SAMMSON: variants seen among roughly 807,000 people sequenced by gnomAD.
The protein encoded by SAMMSON is survival associated mitochondrial melanoma specific oncogenic non-coding RNA.
intron 4 of SAMMSON, among the ~76,000 whole-genome samples, chr3:70,141,229 G>A (rs966193527): frequency 3.3e-5 from 5 of 152,050 alleles, no homozygotes; most frequent in African/African-American, 1.2e-4. Flanking sequence ...TATGAAAATT[G>A]GCTCACACAA....
chr3:70,059,681 T>C, intron 3 of SAMMSON, among the ~76,000 whole-genome samples: 1 of 152,086 alleles, frequency 6.6e-6, no homozygotes, highest in East Asian at 1.9e-4. Context: ...GCTAATCTCA[T>C]CTGGAAACAC....
intron 4 of SAMMSON, among the ~76,000 whole-genome samples, chr3:70,204,053 C>G (rs555256877): frequency 3.3e-5 from 5 of 152,292 alleles, no homozygotes; most frequent in Admixed American, 1.3e-4. Flanking sequence ...ACACCATGAA[C>G]TGTGCTAATG....
intron 2 of SAMMSON, among the ~76,000 whole-genome samples, chr3:70,405,730 G>A (rs1317501220): frequency 6.6e-6 from 1 of 152,170 alleles, no homozygotes; most frequent in Non-Finnish European, 1.5e-5. Context: ...GAATCTGCAT[G>A]TAGCTGGACT....
chr3:70,119,697 A>G (rs558059569), intron 4 of SAMMSON, among the ~76,000 whole-genome samples: 5 of 152,278 alleles, frequency 3.3e-5, no homozygotes, highest in East Asian at 1.9e-4. Flanking sequence ...TAAATACATT[A>G]AAAGATTCCT....
intron 4 of SAMMSON, among the ~76,000 whole-genome samples, chr3:70,202,260 G>A (rs1023080914): frequency 6.6e-6 from 1 of 152,078 alleles, no homozygotes; most frequent in African/African-American, 2.4e-5. Context: ...TTTGATAGTG[G>A]TCAGTGACTA....
intron 2 of SAMMSON, among the ~76,000 whole-genome samples, chr3:70,407,516 C>A (rs62255191): frequency 0.026 from 4,024 of 152,272 alleles, 120 homozygotes; most frequent in East Asian, 0.11. Flanking sequence ...AGGGCCCATA[C>A]AAGTCCAAAA....
intron 4 of SAMMSON, among the ~76,000 whole-genome samples, chr3:70,192,654 G>A (rs539521900): frequency 6.6e-5 from 10 of 152,162 alleles, no homozygotes; most frequent in Non-Finnish European, 1.5e-4. Flanking sequence ...TTTAGAACTA[G>A]CGTTGCCAGA....
chr3:70,387,890 A>G (rs1700989828), intron 9 of SAMMSON, among the ~76,000 whole-genome samples: 1 of 152,132 alleles, frequency 6.6e-6, no homozygotes, highest in African/African-American at 2.4e-5. Context: ...TTACTGTAGA[A>G]CATGATTGAA....
At chr3:70,235,045 C>T (rs1701594250) in intron 4 of SAMMSON, among the ~76,000 whole-genome samples, 1 of 152,188 alleles carries the variant, frequency 6.6e-6, no homozygotes, top group Admixed American at 6.5e-5. Context: ...GAGATTTTAT[C>T]AGTACGGTTT....
At chr3:70,246,278 TCA>T (rs1459852630) in intron 4 of SAMMSON, among the ~76,000 whole-genome samples, 1 of 152,114 alleles carries the variant, frequency 6.6e-6, no homozygotes, top group Non-Finnish European at 1.5e-5. Context: ...AGGATAAAGG[TCA>T]CACTTTGTTA....
chr3:70,405,853 T>C (rs1235569458), intron 2 of SAMMSON, among the ~76,000 whole-genome samples: 1 of 152,158 alleles, frequency 6.6e-6, no homozygotes, highest in Non-Finnish European at 1.5e-5. Flanking sequence ...GTTCAATGAA[T>C]AATGTGTAGG....
Position 70,091,084 on chromosome 3 carries a change from A to G in SAMMSON, n.507+19519A>G, listed in dbSNP as rs535625465. On this transcript the variant is annotated intron_variant and non_coding_transcript_variant, in intron 4 of 9. Coordinates refer to ENST00000642114, the Ensembl canonical transcript of SAMMSON. ...TCCATCCATCATAGACCACATACAA[A>G]TGGGGTGAATCGACACTTTGGATGG... 8.4e-4 allele frequency among the ~76,000 whole-genome samples: 128 copies of G among 152,278 alleles called. 1 individual carries two copies. Among genetic ancestry groups the G allele is most frequent in the Middle Eastern group, 3.4e-3 (1 of 294 alleles).
At chr3:70,136,389 A>G (rs1159592430) in intron 4 of SAMMSON, among the ~76,000 whole-genome samples, 2 of 152,190 alleles carry the variant, frequency 1.3e-5, no homozygotes, top group Non-Finnish European at 2.9e-5. Flanking sequence ...GAGTGGATCT[A>G]TGGAGGGGTT....
intron 9 of SAMMSON, among the ~76,000 whole-genome samples, chr3:70,365,949 A>ATTGT (rs1350409958): frequency 7.3e-6 from 1 of 137,728 alleles, no homozygotes; most frequent in Admixed American, 7.1e-5. Flanking sequence ...CAGCTTAAAA[A>ATTGT]TTGTTTGTGC....
chr3:70,387,375 C>G (rs11715328), intron 9 of SAMMSON, among the ~76,000 whole-genome samples: 13,825 of 151,988 alleles, frequency 0.091, 796 homozygotes, highest in East Asian at 0.32. Context: ...GAAGGAGACT[C>G]TGTCCTGTAG....
chr3:70,060,641 G>A (rs1435271920), intron 3 of SAMMSON, among the ~76,000 whole-genome samples: 1 of 152,022 alleles, frequency 6.6e-6, no homozygotes, highest in Non-Finnish European at 1.5e-5. Context: ...CAACTTGGGG[G>A]GAGATGCTAC....
intron 7 of SAMMSON, among the ~76,000 whole-genome samples, chr3:70,327,436 A>G (rs1702587943): frequency 6.6e-6 from 1 of 152,186 alleles, no homozygotes; most frequent in Non-Finnish European, 1.5e-5. Context: ...GAACCTAGAC[A>G]GAGTCTGGTA....
chr3:70,189,694 A>G (rs1295279189), intron 4 of SAMMSON, among the ~76,000 whole-genome samples: 1 of 152,224 alleles, frequency 6.6e-6, no homozygotes, highest in Non-Finnish European at 1.5e-5. Context: ...CAGATTTGGT[A>G]AGTAATAACT....
At chr3:70,286,376 T>C (rs991335128) in intron 6 of SAMMSON, among the ~76,000 whole-genome samples, 4 of 152,080 alleles carry the variant, frequency 2.6e-5, no homozygotes, top group Admixed American at 1.3e-4. Flanking sequence ...TGTAGATATG[T>C]GGCATTATTT....
Sources: gnomAD v4.1 joint callset for allele counts (sites outside exome capture counted in the v4.1 genomes callset) on GRCh38, gnomAD v4.1.1 for gene constraint, MANE v1.5 for transcripts, NCBI Gene and HGNC (gene_info 2026-07-23, HGNC 2026-07-21) for gene names.